Variants in CAMSAP1 observed in about 807,000 individuals in gnomAD.
The protein encoded by CAMSAP1 is calmodulin-regulated spectrin-associated protein 1.
In CAMSAP1, 58 loss-of-function variants were observed where a neutral mutation model predicts 143.5. The ratio of observed to expected loss-of-function variants is 0.40; its 90% CI spans 0.33 to 0.50. The LOEUF (loss-of-function observed/expected upper bound fraction) is 0.50. CAMSAP1 is among the 20% of genes least tolerant of loss of function. The pLI is 0.45. For synonymous variants in CAMSAP1, 945 were observed against 859.3 expected, an observed-to-expected ratio of 1.10 and a Z score of -1.74; for missense variants, 1,969 against 2,115.7, an observed-to-expected ratio of 0.93 and a Z score of 1.36.
At chr9:135,837,756 G>C (rs557024287) in intron 7 of CAMSAP1, among the ~76,000 whole-genome samples, 1 of 139,942 alleles carries the variant, frequency 7.1e-6, no homozygotes, top group South Asian at 2.3e-4. Flanking sequence ...CCCTTCTACA[G>C]ATACACATCA....
At chr9:135,870,431 C>T (rs1394190996) in intron 3 of CAMSAP1, among the ~76,000 whole-genome samples, 1 of 152,152 alleles carries the variant, frequency 6.6e-6, no homozygotes, top group Non-Finnish European at 1.5e-5. Flanking sequence ...TTATAAATTA[C>T]CCAGTCTTGG....
chr9:135,897,019 A>G (rs1192142420), intron 1 of CAMSAP1, among the ~76,000 whole-genome samples: 1 of 152,204 alleles, frequency 6.6e-6, no homozygotes, highest in Non-Finnish European at 1.5e-5. Flanking sequence ...AGAACCATGA[A>G]CAATCAATTT....
Position 135,824,987 on chromosome 9 carries a change from A to G in CAMSAP1, c.1224-107T>C. The stretch of plus-strand genomic sequence containing the variant: ...CATCCTGAATTCACACCAAGTTTTG[A>G]GAAACTCGGACTGTTTGGGAAAAAA... On this transcript the variant is annotated intron_variant, in intron 8 of 16. Coordinates refer to ENST00000389532, the MANE Select transcript of CAMSAP1 (RefSeq NM_015447.4). The surrounding 1 kb of genome is among the most constrained non-coding windows in gnomAD (Gnocchi z 4.1). 3.5e-6 allele frequency: 3 copies of G among 864,242 alleles called. No homozygotes were observed. Among genetic ancestry groups the G allele is most frequent in the Non-Finnish European group, 5.3e-6 (3 of 565,610 alleles). 53.5% of individuals were successfully genotyped at this position (864,242 alleles called of 1,614,324 possible).
chr9:135,821,478 C>T lies in CAMSAP1; in HGVS notation c.3183G>A (p.Lys1061=). Residue 1061 remains lysine (K), a synonymous_variant, in exon 11 of 17, where the codon AAG becomes AAA. Transcript: ENST00000389532. This position sits in a 1 kb window ranked among gnomAD's most constrained non-coding sequence, Gnocchi z 4.6. ...KSPTVPVPGS[K]NNSQDHKVKA... ...TCACTTTGTGGTCCTGCGAGTTATT[C>T]TTAGAGCCTGGCACTGGGACTGTGG... 6.2e-7 allele frequency: 1 copy of T among 1,614,066 alleles called. No homozygotes were observed. Among genetic ancestry groups the T allele is most frequent in the Non-Finnish European group, 8.5e-7 (1 of 1,179,904 alleles).
chr9:135,866,028 CAT>C (rs1335462586), intron 4 of CAMSAP1, among the ~76,000 whole-genome samples: 4 of 152,350 alleles, frequency 2.6e-5, no homozygotes, highest in Admixed American at 2.6e-4. Context: ...ACGTAGGGTT[CAT>C]CCAGCAGAAT....
intron 3 of CAMSAP1, among the ~76,000 whole-genome samples, 185 bp downstream of exon 3, chr9:135,881,448 G>A (rs191045025): frequency 1.2e-3 from 185 of 152,188 alleles, no homozygotes; most frequent in African/African-American, 4.2e-3. Flanking sequence ...CTCGGCCTGC[G>A]GGAGAAACAC....
Position 135,907,207 on chromosome 9 carries a change from G to T in CAMSAP1, c.-48C>A, listed in dbSNP as rs1435934141. 8.8e-6 allele frequency: 9 copies of T among 1,025,924 alleles called. No individual in the cohort carries two copies. The highest frequency in any genetic ancestry group is 1.1e-5 in the Non-Finnish European group (9 of 853,674). 63.6% of individuals were successfully genotyped at this position (1,025,924 alleles called of 1,614,324 possible). ...GCGGCCCGGCCGCAACAAAGGCGCC[G>T]CCGCCCCTCGCCGCGCCGGGCCCGG... is the stretch of plus-strand genomic sequence containing the variant. On this transcript the variant is annotated 5_prime_UTR_variant, in exon 1 of 17. Coordinates refer to ENST00000389532, the MANE Select transcript of CAMSAP1 (RefSeq NM_015447.4).
chr9:135,884,259 G>A (rs960102838), intron 1 of CAMSAP1, among the ~76,000 whole-genome samples: 2 of 152,104 alleles, frequency 1.3e-5, no homozygotes, highest in Non-Finnish European at 1.5e-5. Flanking sequence ...AGACATTCAT[G>A]GGGACACTAA....
chr9:135,899,707 T>C (rs944056235), intron 1 of CAMSAP1, among the ~76,000 whole-genome samples: 3 of 152,130 alleles, frequency 2.0e-5, no homozygotes, highest in African/African-American at 7.2e-5. Flanking sequence ...TCCCACACGG[T>C]GTGCACATCA....
At chr9:135,835,376 A>G (rs58943887) in intron 7 of CAMSAP1, among the ~76,000 whole-genome samples, 5,520 of 152,230 alleles carry the variant, frequency 0.036, 309 homozygotes, top group African/African-American at 0.12. Flanking sequence ...AGCAATCACC[A>G]TGGCAAGGGG....
In CAMSAP1 at chr9:135,820,707, A is replaced by G; in HGVS notation, c.3822+132T>C. 6.6e-6 allele frequency: 8 copies of G among 1,216,242 alleles called. No homozygotes were observed. Among genetic ancestry groups the G allele is most frequent in the South Asian group, 1.5e-5 (1 of 66,882 alleles). The allele number at this position is 1,216,242 out of a possible 1,614,324, so 75.3% of individuals were successfully genotyped here. A position where few individuals can be genotyped will look rare whatever the true frequency, so the allele number is the denominator to read the frequency against. On this transcript the variant is annotated intron_variant, in intron 11 of 16. Coordinates refer to ENST00000389532, the MANE Select transcript of CAMSAP1 (RefSeq NM_015447.4). The surrounding 1 kb of genome is among the most constrained non-coding windows in gnomAD (Gnocchi z 4.4). The stretch of plus-strand genomic sequence containing the variant: ...CAGAGACTCTGTGGCCCACAAAGCT[A>G]AACACACACATCCCCTGGCCTCTTA...
intron 16 of CAMSAP1, among the ~76,000 whole-genome samples, chr9:135,812,070 C>T (rs1835071916): frequency 6.6e-6 from 1 of 152,116 alleles, no homozygotes; most frequent in Non-Finnish European, 1.5e-5. Context: ...AGGCAGTTAC[C>T]GTGGGACCCA....
At chr9:135,825,457 C>T (rs1296077066) in intron 8 of CAMSAP1, among the ~76,000 whole-genome samples, 2 of 152,170 alleles carry the variant, frequency 1.3e-5, no homozygotes, top group African/African-American at 2.4e-5. Flanking sequence ...TCACTCACAC[C>T]TTTACCACTC....
chr9:135,843,482 G>C (rs920760234), intron 7 of CAMSAP1, among the ~76,000 whole-genome samples: 1 of 152,040 alleles, frequency 6.6e-6, no homozygotes, highest in Non-Finnish European at 1.5e-5. Flanking sequence ...AAGAAGCAGG[G>C]GGTGCAATCC....
chr9:135,818,716 C>T lies in CAMSAP1; in HGVS notation c.3960-100G>A, dbSNP rs1322576217. 10 of 1,380,930 alleles carry T rather than the reference C, an allele frequency of 7.2e-6. No homozygotes were observed. The East Asian group carries it at 1.5e-4, about 21-fold the overall frequency. 85.5% of individuals were successfully genotyped at this position (1,380,930 alleles called of 1,614,324 possible). On this transcript the variant is annotated intron_variant, in intron 12 of 16. Transcript: ENST00000389532. The surrounding 1 kb of genome is among the most constrained non-coding windows in gnomAD (Gnocchi z 7.7). ...CCAGGCGCGTTTCTCGGGTTCTCCCCGGCCGCTGGGACCAAGAGTGGCCAG... is the reference window on the plus strand; with the variant it reads ...CCAGGCGCGTTTCTCGGGTTCTCCCTGGCCGCTGGGACCAAGAGTGGCCAG...
At chr9:135,869,485 A>C (rs1837496930) in intron 3 of CAMSAP1, among the ~76,000 whole-genome samples, 1 of 151,050 alleles carries the variant, frequency 6.6e-6, no homozygotes, top group South Asian at 2.1e-4. Flanking sequence ...CTTGGGCAAA[A>C]GGGCGAGACT....
rs1289895939 is a variant in CAMSAP1 at position 135,820,165 on chromosome 9, G to T, written c.3822+674C>A. Reference sequence around the variant, plus strand: ...TGCTCCTAGACTACAGACCTGCACAGCACATTACTGTACCCAATACTGTAA... The same window carrying T: ...TGCTCCTAGACTACAGACCTGCACATCACATTACTGTACCCAATACTGTAA... On this transcript the variant is annotated intron_variant, in intron 11 of 16. Transcript: ENST00000389532. The surrounding 1 kb of genome is among the most constrained non-coding windows in gnomAD (Gnocchi z 4.4). Among the ~76,000 whole-genome samples, 2 of 152,144 alleles carry T rather than the reference G, an allele frequency of 1.3e-5. No homozygotes were observed. The highest frequency in any genetic ancestry group is 1.5e-5 in the Non-Finnish European group (1 of 68,044).
intron 3 of CAMSAP1, among the ~76,000 whole-genome samples, chr9:135,878,275 A>G (rs1244658781): frequency 6.6e-6 from 1 of 152,184 alleles, no homozygotes; most frequent in East Asian, 1.9e-4. Flanking sequence ...GGCAGCAACC[A>G]TGCAGGCAGG....
intron 7 of CAMSAP1, among the ~76,000 whole-genome samples, chr9:135,846,528 A>G (rs1327889362): frequency 6.6e-6 from 1 of 152,124 alleles, no homozygotes; most frequent in African/African-American, 2.4e-5. Context: ...AAACTGACAA[A>G]TGGATCTAAT....
Sources: allele counts gnomAD v4.1 joint callset (sites outside exome capture counted in the v4.1 genomes callset), GRCh38; gene constraint gnomAD v4.1.1; non-coding constraint Gnocchi (gnomAD v3.1); transcripts MANE v1.5; gene names NCBI Gene and HGNC (gene_info 2026-07-23, HGNC 2026-07-21).